Variants in CCDC175 observed in about 807,000 individuals in gnomAD.
CCDC175 encodes coiled-coil domain-containing protein 175.
In CCDC175, 100 loss-of-function variants were observed where a neutral mutation model predicts 114.6. The observed-to-expected ratio is 0.87, with a 90% CI of 0.74 to 1.03. The LOEUF (loss-of-function observed/expected upper bound fraction) is 1.03, where lower values mean the gene tolerates loss of function less well. Ranked by LOEUF, CCDC175 falls within the 50% of genes least tolerant of loss-of-function variation. The pLI, the probability that CCDC175 is intolerant of heterozygous loss-of-function variation, is 0.00. For synonymous variants in CCDC175, 306 were observed against 308.7 expected (o/e 0.99, Z 0.09); for missense variants, 880 against 917.8 (o/e 0.96, Z 0.53).
chr14:59,558,462 T>C (rs547540130), intron 7 of CCDC175, among the ~76,000 whole-genome samples: 14 of 152,292 alleles, frequency 9.2e-5, no homozygotes, highest in African/African-American at 3.1e-4. Context: ...AATAGATATA[T>C]TCAGCATATA....
In CCDC175 at chr14:59,538,079, C is replaced by T. The variant is rs760284540; in HGVS notation, c.1567G>A (p.Glu523Lys). 3.3e-6 allele frequency: 5 copies of T among 1,532,028 alleles called. No individual in the cohort carries two copies. The Admixed American group carries it at 5.9e-5, about 18-fold the overall frequency. 94.9% of individuals were successfully genotyped at this position (1,532,028 alleles called of 1,614,324 possible). Reference sequence around the variant, plus strand: ...TTTTCTTTGTTAACAAATGCTTTCTCCTCTTCTTTTAATTCTGTTGTAAGT... The same window carrying T: ...TTTTCTTTGTTAACAAATGCTTTCTTCTCTTCTTTTAATTCTGTTGTAAGT... ...EKLTTELKEE[E>K]KAFVNKEKML... The change falls in exon 13 of 20, where the codon GAG becomes AAG. Residue 523 changes from glutamate (E) to lysine (K), a missense_variant. By Grantham distance (56) the Glu-to-Lys change is moderately conservative (BLOSUM62 1). Transcript: ENST00000537690.
intron 7 of CCDC175, among the ~76,000 whole-genome samples, chr14:59,553,415 G>A (rs1429454089): frequency 2.0e-5 from 3 of 152,190 alleles, no homozygotes; most frequent in African/African-American, 7.2e-5. Flanking sequence ...AGCAAATGAT[G>A]AGAGATTTTG....
intron 10 of CCDC175, among the ~76,000 whole-genome samples, chr14:59,542,159 C>A (rs1444065346): frequency 6.6e-6 from 1 of 152,182 alleles, no homozygotes; most frequent in Non-Finnish European, 1.5e-5. Flanking sequence ...ACAGAAAAAT[C>A]TGACTTGCTT....
At chr14:59,558,549 A>G (rs1595064183) in intron 7 of CCDC175, among the ~76,000 whole-genome samples, 1 of 152,184 alleles carries the variant, frequency 6.6e-6, no homozygotes, top group African/African-American at 2.4e-5. Context: ...GGTAGTGAGG[A>G]AAGCAGAAAT....
At chr14:59,516,969 C>T (rs1893130715) in intron 17 of CCDC175, among the ~76,000 whole-genome samples, 1 of 152,178 alleles carries the variant, frequency 6.6e-6, no homozygotes, top group African/African-American at 2.4e-5. Context: ...AGCTTATCCA[C>T]CATGATCAAG....
intron 9 of CCDC175, 126 bp downstream of exon 9, chr14:59,545,037 T>C: frequency 2.1e-6 from 2 of 970,054 alleles, no homozygotes; most frequent in Non-Finnish European, 1.5e-6. Context: ...TGATAGCAAA[T>C]GTTTTCATTT....
At chr14:59,555,846 G>A (rs1349854690) in intron 7 of CCDC175, among the ~76,000 whole-genome samples, 1 of 152,132 alleles carries the variant, frequency 6.6e-6, no homozygotes, top group Non-Finnish European at 1.5e-5. Context: ...GCCAAATCAT[G>A]AGTGAACTCC....
At chr14:59,553,682 A>G (rs547319715) in intron 7 of CCDC175, among the ~76,000 whole-genome samples, 6 of 152,130 alleles carry the variant, frequency 3.9e-5, no homozygotes, top group South Asian at 2.1e-4. Flanking sequence ...ATTGGATAAA[A>G]AGTCAAGACC....
At position 59,511,810 on chromosome 14, in the gene CCDC175, T is replaced by C. The variant is rs377698032; in HGVS notation, c.2099-7A>G. Reference sequence around the variant, plus strand: ...CACAAATCCTTATATTGTGCTAAAATAAAGATTTAAAAAATACAATGGTTA... The same window carrying C: ...CACAAATCCTTATATTGTGCTAAAACAAAGATTTAAAAAATACAATGGTTA... On this transcript the variant is annotated splice_region_variant and splice_polypyrimidine_tract_variant and intron_variant, in intron 17 of 19. Transcript: ENST00000537690. 2.3e-4 allele frequency: 355 copies of C among 1,525,652 alleles called. No individual in the cohort carries two copies. Among genetic ancestry groups the C allele is most frequent in the Non-Finnish European group, 3.0e-4 (338 of 1,136,844 alleles). 94.5% of individuals were successfully genotyped at this position (1,525,652 alleles called of 1,614,324 possible).
intron 14 of CCDC175, among the ~76,000 whole-genome samples, 173 bp from the exon 15 acceptor site, chr14:59,527,347 T>G (rs1958510225): frequency 6.6e-6 from 1 of 152,186 alleles, no homozygotes; most frequent in South Asian, 2.1e-4. Flanking sequence ...GAATCAAACA[T>G]TTTTAACTCT....
At chr14:59,540,780 T>C in intron 10 of CCDC175, 34 bp from the exon 11 acceptor site, 2 of 1,491,054 alleles carry the variant, frequency 1.3e-6, no homozygotes, top group Non-Finnish European at 1.8e-6. Flanking sequence ...TTTGCATTTA[T>C]GGGAGCTGTT....
At chr14:59,566,299 G>A (rs72714038) in intron 4 of CCDC175, among the ~76,000 whole-genome samples, 39,790 of 151,884 alleles carry the variant, frequency 0.26, 6,537 homozygotes, top group Non-Finnish European at 0.35. Context: ...TTACAAAAGG[G>A]ACAATTGGTG....
chr14:59,510,310 T>C (rs368110640), intron 19 of CCDC175: 3 of 233,360 alleles, frequency 1.3e-5, no homozygotes, highest in African/African-American at 4.6e-5. Flanking sequence ...AGGAAGAAAA[T>C]GTAAAATTAT....
At position 59,531,797 on chromosome 14, in the gene CCDC175, T is replaced by A. The variant is rs1894088657; in HGVS notation, c.1737A>T (p.Leu579Phe). 1.3e-6 allele frequency: 2 copies of A among 1,502,164 alleles called. No homozygotes were observed. Among genetic ancestry groups the A allele is most frequent in the East Asian group, 4.9e-5 (2 of 40,456 alleles). 93.1% of individuals were successfully genotyped at this position (1,502,164 alleles called of 1,614,324 possible). A position where few individuals can be genotyped will look rare whatever the true frequency, so the allele number is the denominator to read the frequency against. ...EQEYKEKRRK[L>F]EELSNIITAQ... is the part of the protein sequence containing the mutation. ...CTGTAATAATATTACTGAGCTCTTC[T>A]AACTTTCTTCTTTTCTCTTTATACT... Residue 579 changes from leucine to phenylalanine, a missense_variant, in exon 14 of 20, where the codon TTA becomes TTT. By Grantham distance (22) the Leu-to-Phe change is conservative. Transcript: ENST00000537690.
chr14:59,507,046 A>G (rs1892459837), intron 19 of CCDC175, among the ~76,000 whole-genome samples: 1 of 152,240 alleles, frequency 6.6e-6, no homozygotes, highest in Non-Finnish European at 1.5e-5. Context: ...CATATACACT[A>G]AGAATTAACT....
chr14:59,573,618 G>T (rs201635746), intron 2 of CCDC175, among the ~76,000 whole-genome samples: 1,332 of 108,920 alleles, frequency 0.012, 7 homozygotes, highest in Non-Finnish European at 0.017. Context: ...TTGTTTTTTT[G>T]TTTTTTTTTT....
chr14:59,570,063 T>A (rs1341374770), intron 3 of CCDC175, among the ~76,000 whole-genome samples: 1 of 152,046 alleles, frequency 6.6e-6, no homozygotes, highest in East Asian at 1.9e-4. Flanking sequence ...GTGTTAGGGG[T>A]ACCTGCCCAC....
chr14:59,546,207 A>T (rs1308568819), intron 8 of CCDC175, among the ~76,000 whole-genome samples: 1 of 152,238 alleles, frequency 6.6e-6, no homozygotes, highest in Admixed American at 6.5e-5. Context: ...AAGTGGATTA[A>T]TGCAGAAGCA....
intron 7 of CCDC175, among the ~76,000 whole-genome samples, chr14:59,558,936 A>T (rs1355595971): frequency 6.6e-6 from 1 of 152,186 alleles, no homozygotes; most frequent in Admixed American, 6.5e-5. Flanking sequence ...CAGTGTGATC[A>T]GTGAAATAAG....
Sources: gnomAD v4.1 joint callset for allele counts (sites outside exome capture counted in the v4.1 genomes callset) on GRCh38, gnomAD v4.1.1 for gene constraint, MANE v1.5 for transcripts, NCBI Gene and HGNC (gene_info 2026-07-23, HGNC 2026-07-21) for gene names.